GOLGB1: variants seen among roughly 807,000 people sequenced by gnomAD.
The protein encoded by GOLGB1 is golgin subfamily B member 1.
A neutral mutation model predicts 336.9 loss-of-function variants in GOLGB1; 174 were observed. The ratio of observed to expected loss-of-function variants is 0.52; its 90% CI spans 0.46 to 0.59. The LOEUF is 0.59. GOLGB1 is among the 20% of genes least tolerant of loss of function. The probability of loss-of-function intolerance (pLI) is 0.00; values close to 1 mark genes in which losing one functional copy is unlikely to be tolerated. For synonymous variants in GOLGB1, 1,208 were observed against 1,289.2 expected (o/e 0.94, Z 1.35); for missense variants, 3,331 against 3,645.3 (o/e 0.91, Z 2.22).
At chr3:121,679,663 G>A (rs976127416) in intron 15 of GOLGB1, among the ~76,000 whole-genome samples, 4 of 152,138 alleles carry the variant, frequency 2.6e-5, no homozygotes, top group African/African-American at 9.7e-5. Context: ...GATAAGCTAG[G>A]TACATTCTTG....
In GOLGB1 at chr3:121,692,021, T is replaced by C; in HGVS notation, c.7343A>G (p.Glu2448Gly). 6.2e-7 allele frequency: 1 copy of C among 1,613,112 alleles called. No individual in the cohort carries two copies. ...KAVDKTNQLM[E>G]TLKTIKKENI... Reference sequence around the variant, plus strand: ...TTCCTTTTTGATGGTTTTCAGTGTTTCCATAAGCTGATTGGTTTTATCAAC... The same window carrying C: ...TTCCTTTTTGATGGTTTTCAGTGTTCCCATAAGCTGATTGGTTTTATCAAC... The change falls in exon 14 of 22, where the codon GAA (glutamate) becomes GGA (glycine). Residue 2448 changes from glutamate (E) to glycine (G), a missense_variant. Transcript: ENST00000614479.
At chr3:121,745,818 C>T (rs1042235279) in intron 1 of GOLGB1, among the ~76,000 whole-genome samples, 1 of 152,246 alleles carries the variant, frequency 6.6e-6, no homozygotes, top group African/African-American at 2.4e-5. Flanking sequence ...CAAACCCTGC[C>T]ACAGGACCTT....
chr3:121,741,124 A>G (rs1314918025), intron 1 of GOLGB1, among the ~76,000 whole-genome samples: 2 of 152,190 alleles, frequency 1.3e-5, no homozygotes, highest in African/African-American at 4.8e-5. Context: ...CAAACTTTAG[A>G]TATAAAAAAC....
intron 1 of GOLGB1, among the ~76,000 whole-genome samples, chr3:121,747,486 C>T (rs1183950770): frequency 6.7e-6 from 1 of 148,840 alleles, no homozygotes; most frequent in East Asian, 2.0e-4. Flanking sequence ...TGGCTAATGA[C>T]TGAAAATCTA....
At chr3:121,688,531 T>C (rs376920340) in intron 14 of GOLGB1, among the ~76,000 whole-genome samples, 1 of 151,882 alleles carries the variant, frequency 6.6e-6, no homozygotes, top group East Asian at 1.9e-4. Flanking sequence ...GATCTCGGCT[T>C]GCTACAACCT....
chr3:121,749,498 G>A (rs1947610947), intron 1 of GOLGB1, 134 bp downstream of exon 1: 1 of 152,654 alleles, frequency 6.6e-6, no homozygotes, highest in Non-Finnish European at 1.5e-5. Context: ...GCCGGATCCA[G>A]GACTGAATCC....
At chr3:121,720,528 G>C (rs1186874642) in intron 6 of GOLGB1, among the ~76,000 whole-genome samples, 1 of 152,200 alleles carries the variant, frequency 6.6e-6, no homozygotes, top group East Asian at 1.9e-4. Context: ...TTAGCTGTTA[G>C]CTTGCCTATT....
At chr3:121,735,755 A>C (rs896309329) in intron 1 of GOLGB1, among the ~76,000 whole-genome samples, 1 of 152,230 alleles carries the variant, frequency 6.6e-6, no homozygotes, top group African/African-American at 2.4e-5. Context: ...CATTATAAAT[A>C]ATCAGTTATT....
intron 1 of GOLGB1, among the ~76,000 whole-genome samples, chr3:121,742,415 C>A (rs537100182): frequency 2.6e-5 from 4 of 152,048 alleles, no homozygotes; most frequent in African/African-American, 7.2e-5. Context: ...GCTAGCCATA[C>A]GTAGAAAGGT....
At chr3:121,683,053 ATTTTTT>A (rs746649684) in intron 14 of GOLGB1, among the ~76,000 whole-genome samples, 9,785 of 82,110 alleles carry the variant, frequency 0.12, 501 homozygotes, top group African/African-American at 0.17. Context: ...ATTTCTTTTA[ATTTTTT>A]TTTTTTTTTT....
intron 10 of GOLGB1, among the ~76,000 whole-genome samples, chr3:121,706,558 A>C (rs1057201311): frequency 1.3e-5 from 2 of 151,904 alleles, no homozygotes; most frequent in Non-Finnish European, 2.9e-5. Flanking sequence ...AACATGGCAA[A>C]ACCCCATCTC....
Position 121,698,578 on chromosome 3 carries a change from G to T in GOLGB1, c.1945C>A (p.His649Asn). 1.2e-6 allele frequency: 2 copies of T among 1,613,820 alleles called. No homozygotes were observed. Among genetic ancestry groups the T allele is most frequent in the Non-Finnish European group, 1.7e-6 (2 of 1,179,834 alleles). The change falls in exon 13 of 22, where the codon CAT (histidine) becomes AAT (asparagine). Residue 649 changes from histidine to asparagine, a missense_variant. Transcript: ENST00000614479. ...ATTTCCTCAGATGTTCTACTTTGAT[G>T]TTCAGTGCTCGCCTGTTCTTTTTCA... ...AVEKEQASTE[H>N]QSRTSEEISL...
chr3:121,743,681 G>A (rs957970630), intron 1 of GOLGB1, among the ~76,000 whole-genome samples: 6 of 151,970 alleles, frequency 3.9e-5, no homozygotes, highest in African/African-American at 1.5e-4. Context: ...TATTTCCATG[G>A]AAAAATTATA....
At chr3:121,664,675 C>T (rs533041984) in intron 21 of GOLGB1, 61 bp from the exon 22 acceptor site, 1 of 1,502,426 alleles carries the variant, frequency 6.7e-7, no homozygotes, top group Admixed American at 1.7e-5. Context: ...TGCTTTCCCT[C>T]CTACTAGTCT....
chr3:121,675,395 C>T (rs931858588), intron 17 of GOLGB1, among the ~76,000 whole-genome samples: 8 of 152,254 alleles, frequency 5.3e-5, no homozygotes, highest in African/African-American at 1.9e-4. Context: ...AAAACACCAA[C>T]TGCACTATTT....
chr3:121,705,816 C>T (rs779804972), intron 10 of GOLGB1, among the ~76,000 whole-genome samples: 21 of 152,168 alleles, frequency 1.4e-4, no homozygotes, highest in Non-Finnish European at 2.4e-4. Context: ...ACACAAAACC[C>T]GGAAGTGTCA....
rs1945896843 is a variant in GOLGB1 at position 121,729,237 on chromosome 3, C to T, written c.353G>A (p.Gly118Glu). ...AGGTTCTGTAGGCAGAACAGTCCCT[C>T]CTTGTGCTTTCATTTCTTCTATGTA... is the stretch of plus-strand genomic sequence containing the variant. ...NKYIEEMKAQ[G>E]GTVLPTEPQS... The change falls in exon 4 of 22, where the codon GGA (glycine) becomes GAA (glutamate). Residue 118 changes from glycine to glutamate, a missense_variant. Transcript: ENST00000614479. The T allele has an allele frequency of 6.2e-7, 1 of 1,613,144 alleles. No homozygotes were observed. The highest frequency in any genetic ancestry group is 8.5e-7 in the Non-Finnish European group (1 of 1,179,390).
intron 10 of GOLGB1, among the ~76,000 whole-genome samples, chr3:121,712,203 G>A (rs1944409808): frequency 1.3e-5 from 2 of 152,112 alleles, no homozygotes; most frequent in Admixed American, 1.3e-4. Flanking sequence ...AGAATCCAAT[G>A]AGGAAAGTAA....
At chr3:121,709,349 C>T (rs1576390744) in intron 10 of GOLGB1, among the ~76,000 whole-genome samples, 1 of 152,138 alleles carries the variant, frequency 6.6e-6, no homozygotes, top group African/African-American at 2.4e-5. Context: ...TAGAACATTA[C>T]ATCCAATAAC....
Sources: gnomAD v4.1 joint callset for allele counts (sites outside exome capture counted in the v4.1 genomes callset) on GRCh38, gnomAD v4.1.1 for gene constraint, MANE v1.5 for transcripts, NCBI Gene and HGNC (gene_info 2026-07-23, HGNC 2026-07-21) for gene names.